PITPNC1: variants seen among roughly 807,000 people sequenced by gnomAD.
PITPNC1 encodes cytoplasmic phosphatidylinositol transfer protein 1.
In PITPNC1, 18 loss-of-function variants were observed where a neutral mutation model predicts 44.7. The observed-to-expected ratio is 0.40, with a 90% CI of 0.28 to 0.60. The LOEUF (loss-of-function observed/expected upper bound fraction) is 0.60, where lower values mean the gene tolerates loss of function less well. Ranked by LOEUF, PITPNC1 falls within the 20% of genes least tolerant of loss-of-function variation. The pLI, the probability that PITPNC1 is intolerant of heterozygous loss-of-function variation, is 0.39. For missense variants in PITPNC1, 290 were observed against 418.4 expected, an observed-to-expected ratio of 0.69 and a Z score of 2.68; for synonymous variants, 141 against 149.6, an observed-to-expected ratio of 0.94 and a Z score of 0.42.
chr17:67,696,881 C>G lies in PITPNC1; in HGVS notation c.*3993C>G, dbSNP rs2144494704. 6.6e-6 allele frequency: 1 copy of G among 151,664 alleles called. No individual in the cohort carries two copies. The highest frequency in any genetic ancestry group is 3.4e-3 in the Middle Eastern group (1 of 294). The allele number at this position is 151,664 out of a possible 1,614,324, so 9.4% of individuals were successfully genotyped here. On this transcript the variant is annotated 3_prime_UTR_variant, in exon 9 of 9. Coordinates refer to ENST00000581322, the MANE Select transcript of PITPNC1 (RefSeq NM_012417.4). ...AGGATAAGCCTCTTGATGTTTTTTG[C>G]TTTAAATTGAAAGCATGTCTGTCAA...
chr17:67,488,878 C>T (rs534548705), intron 1 of PITPNC1, among the ~76,000 whole-genome samples: 38 of 152,304 alleles, frequency 2.5e-4, no homozygotes, highest in South Asian at 1.7e-3. Flanking sequence ...TTTCTCTTAG[C>T]GTAATATCCT....
intron 1 of PITPNC1, among the ~76,000 whole-genome samples, chr17:67,397,480 C>T (rs2038237491): frequency 6.6e-6 from 1 of 152,182 alleles, no homozygotes; most frequent in Non-Finnish European, 1.5e-5. Flanking sequence ...CCACACCTCT[C>T]TTTTTGAGAA....
chr17:67,524,650 C>T (rs1037313056), intron 1 of PITPNC1: 1 of 151,350 alleles, frequency 6.6e-6, no homozygotes, highest in Admixed American at 6.6e-5. Flanking sequence ...GCTAAATTTT[C>T]ATTGGCAGTA....
At chr17:67,495,037 G>GTTTTTT (rs2039925221) in intron 1 of PITPNC1, among the ~76,000 whole-genome samples, 33 of 79,400 alleles carry the variant, frequency 4.2e-4, no homozygotes, top group Non-Finnish European at 5.4e-4. Flanking sequence ...GAGCCATGGA[G>GTTTTTT]TTGTTTTTTT....
In PITPNC1 at chr17:67,586,626, G is replaced by A. The variant is rs191434888; in HGVS notation, c.366+8369G>A. Among the ~76,000 whole-genome samples the A allele has an allele frequency of 1.1e-3, 167 of 151,944 alleles. 1 individual carries two copies. Among genetic ancestry groups the A allele is most frequent in the African/African-American group, 3.8e-3 (159 of 41,444 alleles). ...AAAAAAAAATGTATACTAAACTTGC[G>A]AAGATTGTGCACAGGGTTCTCAAAT... On this transcript the variant is annotated intron_variant, in intron 5 of 8. Coordinates refer to ENST00000581322, the MANE Select transcript of PITPNC1 (RefSeq NM_012417.4).
Position 67,641,535 on chromosome 17 carries a change from G to A in PITPNC1, c.462+9297G>A, listed in dbSNP as rs1030471528. Among the ~76,000 whole-genome samples, 9 of 152,018 alleles carry A rather than the reference G, an allele frequency of 5.9e-5. No individual in the cohort carries two copies. The East Asian group carries it at 9.7e-4, about 16-fold the overall frequency. ...GTGAAGGCCAGGTTCAGTGGCTCAC[G>A]CCTGTAATCCCAGCACTTTGGGAGG... is the stretch of plus-strand genomic sequence containing the variant. On this transcript the variant is annotated intron_variant, in intron 6 of 8. Coordinates refer to ENST00000581322, the MANE Select transcript of PITPNC1 (RefSeq NM_012417.4).
chr17:67,432,187 C>T (rs1205555142), intron 1 of PITPNC1, among the ~76,000 whole-genome samples: 7 of 152,218 alleles, frequency 4.6e-5, no homozygotes, highest in Non-Finnish European at 1.0e-4. Context: ...TCTTGGACCA[C>T]ATATAAAATA....
intron 1 of PITPNC1, among the ~76,000 whole-genome samples, chr17:67,426,296 G>C (rs2038764154): frequency 6.6e-6 from 1 of 152,008 alleles, no homozygotes. Context: ...CTACTATAAA[G>C]ACACATGCAC....
chr17:67,412,630 G>A (rs1167416616), intron 1 of PITPNC1, among the ~76,000 whole-genome samples: 3 of 152,054 alleles, frequency 2.0e-5, no homozygotes, highest in Admixed American at 6.6e-5. Flanking sequence ...GCAGTGGTGT[G>A]ATCTCCGCTC....
At chr17:67,411,601 G>T (rs1030332226) in intron 1 of PITPNC1, among the ~76,000 whole-genome samples, 2 of 152,096 alleles carry the variant, frequency 1.3e-5, no homozygotes, top group African/African-American at 4.8e-5. Context: ...CTGTGTCCTA[G>T]TAGGTCACCA....
rs117460673 is a variant in PITPNC1, at chr17:67,605,487, G to A, written c.367-26656G>A. On this transcript the variant is annotated intron_variant, in intron 5 of 8. Transcript: ENST00000581322. ...CCCGGGGCTTATCGTGAATTTCCCC[G>A]GTTTTGCATCTTCATCCTGAAAACC... Among the ~76,000 whole-genome samples the A allele has an allele frequency of 2.3e-3, 357 of 152,236 alleles. 8 individuals carry two copies. The highest frequency in any genetic ancestry group is 8.0e-3 in the Admixed American group (123 of 15,280).
chr17:67,520,688 G>A (rs117251797), intron 1 of PITPNC1, among the ~76,000 whole-genome samples: 62 of 152,236 alleles, frequency 4.1e-4, no homozygotes, highest in East Asian at 3.9e-3. Context: ...AACCGAGACC[G>A]TCCCCACAGC....
chr17:67,571,445 A>C (rs999653550), intron 4 of PITPNC1, among the ~76,000 whole-genome samples: 3 of 152,230 alleles, frequency 2.0e-5, no homozygotes, highest in African/African-American at 7.2e-5. Flanking sequence ...AAAAGAAAAG[A>C]GAAGAGAAGA....
chr17:67,455,809 G>A (rs941128628), intron 1 of PITPNC1, among the ~76,000 whole-genome samples: 2 of 152,050 alleles, frequency 1.3e-5, no homozygotes, highest in African/African-American at 4.8e-5. Flanking sequence ...TGTATAGTTA[G>A]TCATTCCCAG....
intron 5 of PITPNC1, among the ~76,000 whole-genome samples, chr17:67,631,632 AACC>A (rs1368432330): frequency 0.059 from 816 of 13,780 alleles, 148 homozygotes; most frequent in African/African-American, 0.11. Flanking sequence ...CCGTCTCAAA[AACC>A]AAAAAAAAAA....
intron 1 of PITPNC1, among the ~76,000 whole-genome samples, chr17:67,468,400 CTTT>C (rs139820910): frequency 5.9e-4 from 71 of 119,944 alleles, no homozygotes; most frequent in African/African-American, 1.8e-3. Flanking sequence ...GCTTTCTTTC[CTTT>C]TTTTTTTTTT....
At chr17:67,602,610 G>A (rs552242889) in intron 5 of PITPNC1, among the ~76,000 whole-genome samples, 1 of 152,298 alleles carries the variant, frequency 6.6e-6, no homozygotes, top group East Asian at 1.9e-4. Context: ...CAGGGGTCAG[G>A]TGGTCTGTAA....
At chr17:67,659,943 A>ATG (rs2042319583) in intron 6 of PITPNC1, among the ~76,000 whole-genome samples, 4 of 151,850 alleles carry the variant, frequency 2.6e-5, no homozygotes, top group Non-Finnish European at 5.9e-5. Flanking sequence ...GCAGTGGCGC[A>ATG]ATCTCAGGTC....
intron 1 of PITPNC1, among the ~76,000 whole-genome samples, chr17:67,394,644 C>T (rs1483007791): frequency 6.6e-6 from 1 of 152,158 alleles, no homozygotes; most frequent in African/African-American, 2.4e-5. Context: ...TGGCTCACGC[C>T]TGTAATCCCA....
Sources: allele counts gnomAD v4.1 joint callset (sites outside exome capture counted in the v4.1 genomes callset), GRCh38; gene constraint gnomAD v4.1.1; transcripts MANE v1.5; gene names NCBI Gene and HGNC (gene_info 2026-07-23, HGNC 2026-07-21).